DST: variants seen among roughly 807,000 people sequenced by gnomAD.
DST encodes bullous pemphigoid antigen.
In DST, 253 loss-of-function variants were observed where a neutral mutation model predicts 875.2. The ratio of observed to expected loss-of-function variants is 0.29; its 90% confidence interval spans 0.26 to 0.32. The LOEUF is 0.32. Among genes scored for constraint, DST ranks in the 10% least tolerant of loss-of-function variants. DST has a pLI of 1.00. For missense variants in DST, 8,287 were observed against 9,111.6 expected (o/e 0.91, Z 3.68); for synonymous variants, 3,124 against 3,197.1 (o/e 0.98, Z 0.77).
In DST at chr6:56,732,736, A is replaced by G. The variant is rs193230768; in HGVS notation, c.687+2492T>C. Among the ~76,000 whole-genome samples the G allele has an allele frequency of 9.2e-5, 14 of 152,350 alleles. 2 individuals are homozygous for G. The highest frequency in any genetic ancestry group is 3.4e-4 in the African/African-American group (14 of 41,586). ...CATAAATCACAACTTCCTAAGTCAC[A>G]AAAATTAGCAAATAGTTGAAACAAT... On this transcript the variant is annotated intron_variant, in intron 5 of 103. Transcript: ENST00000680361.
chr6:56,777,500 A>G (rs2099681472), intron 4 of DST, among the ~76,000 whole-genome samples: 1 of 152,078 alleles, frequency 6.6e-6, no homozygotes, highest in Non-Finnish European at 1.5e-5. Context: ...TTACAGCATG[A>G]TGGAACAGGC....
chr6:56,561,640 G>T lies in DST; in HGVS notation c.14069-91C>A, dbSNP rs897308766. The stretch of plus-strand genomic sequence containing the variant: ...AAAAGTTTGTTTTACATGGTATTTT[G>T]TCACTTCTAGCTTGTCATTATTAAG... On this transcript the variant is annotated intron_variant, in intron 56 of 103. Coordinates refer to ENST00000680361, the MANE Select transcript of DST (RefSeq NM_001374736.1). 7 of 1,281,408 alleles carry T rather than the reference G, an allele frequency of 5.5e-6. No individual in the cohort carries two copies. The African/African-American group carries it at 6.0e-5, about 11-fold the overall frequency. 79.4% of individuals were successfully genotyped at this position (1,281,408 alleles called of 1,614,324 possible).
intron 4 of DST, among the ~76,000 whole-genome samples, chr6:56,838,066 G>A (rs1180019373): frequency 2.0e-5 from 3 of 152,080 alleles, no homozygotes; most frequent in African/African-American, 7.2e-5. Flanking sequence ...AATGGACACA[G>A]AAGTCTTTCC....
Position 56,517,319 on chromosome 6 carries a change from A to G in DST, c.18250-14T>C. 6.2e-7 allele frequency: 1 copy of G among 1,603,078 alleles called. No individual in the cohort carries two copies. ...CATGGTGAATGTCTGTGATTTACCA[A>G]AATAAAGACAAAAAATAAAACAAGA... On this transcript the variant is annotated splice_polypyrimidine_tract_variant and intron_variant, in intron 70 of 103. Coordinates refer to ENST00000680361, the MANE Select transcript of DST (RefSeq NM_001374736.1).
At chr6:56,652,765 C>T (rs1317602367) in intron 10 of DST, among the ~76,000 whole-genome samples, 11 of 152,118 alleles carry the variant, frequency 7.2e-5, no homozygotes, top group Admixed American at 5.2e-4. Context: ...ATTAGGAAAT[C>T]CTTTAATGTT....
intron 4 of DST, among the ~76,000 whole-genome samples, chr6:56,849,104 A>AT (rs1315953855): frequency 7.7e-6 from 1 of 129,344 alleles, no homozygotes; most frequent in African/African-American, 2.9e-5. Flanking sequence ...GTTTCATTTT[A>AT]TTTTTTTCTG....
At chr6:56,724,795 A>G (rs780740266) in intron 5 of DST, among the ~76,000 whole-genome samples, 11 of 152,204 alleles carry the variant, frequency 7.2e-5, no homozygotes, top group Non-Finnish European at 1.6e-4. Context: ...AAACCACTAC[A>G]GTTGCATATT....
intron 57 of DST, 94 bp from the exon 58 acceptor site, chr6:56,560,517 G>A: frequency 4.5e-6 from 6 of 1,342,632 alleles, no homozygotes; most frequent in Admixed American, 4.9e-5. Context: ...ATAATGAAAA[G>A]AGGAAAAAAT....
At chr6:56,603,499 G>A (rs79263032) in intron 41 of DST, 65 bp downstream of exon 41, 16,256 of 1,587,414 alleles carry the variant, frequency 0.01, 125 homozygotes, top group Non-Finnish European at 0.012. Flanking sequence ...GAAGTGTTCT[G>A]CTTCTTTTTC....
Position 56,704,291 on chromosome 6 carries a change from C to G in DST, c.766G>C (p.Gly256Arg), listed in dbSNP as rs368581407. The G allele has an allele frequency of 2.9e-5, 45 of 1,527,110 alleles. No individual in the cohort carries two copies. Among genetic ancestry groups the G allele is most frequent in the Non-Finnish European group, 4.0e-5 (45 of 1,122,268 alleles). 94.6% of individuals were successfully genotyped at this position (1,527,110 alleles called of 1,614,324 possible). Residue 256 changes from glycine (G) to arginine (R), a missense_variant, in exon 6 of 104, where the codon GGA becomes CGA. This residue lies in a region of DST where 1,160 missense variants were observed against 1,424.3 expected (regional missense o/e 0.81). Coordinates refer to ENST00000680361, the MANE Select transcript of DST (RefSeq NM_001374736.1). ...AAGTTAAAACTTACCAAGGTATCTC[C>G]TGAAAGAACCTCTAAAAGAGAAATC... ...NLISLLEVLS[G>R]DTLPRERDFL...
At chr6:56,571,553 A>G (rs1464347438) in intron 53 of DST, among the ~76,000 whole-genome samples, 1 of 152,214 alleles carries the variant, frequency 6.6e-6, no homozygotes, top group African/African-American at 2.4e-5. Flanking sequence ...TCAGAAACAC[A>G]AAAGCTCAAT....
intron 9 of DST, among the ~76,000 whole-genome samples, chr6:56,687,142 C>G (rs532164920): frequency 7.9e-5 from 12 of 152,326 alleles, no homozygotes; most frequent in Admixed American, 3.3e-4. Context: ...AAATGTTCTT[C>G]TGTGCAGAAC....
At chr6:56,644,725 G>A (rs970554767) in intron 15 of DST, among the ~76,000 whole-genome samples, 1 of 152,238 alleles carries the variant, frequency 6.6e-6, no homozygotes, top group African/African-American at 2.4e-5. Flanking sequence ...GCTGAGATCT[G>A]AGAATGTTTA....
At chr6:56,652,456 C>T (rs1490731696) in intron 10 of DST, among the ~76,000 whole-genome samples, 1 of 152,206 alleles carries the variant, frequency 6.6e-6, no homozygotes, top group African/African-American at 2.4e-5. Context: ...ACAAGCTCCA[C>T]AAGCATTCCT....
At chr6:56,797,970 T>C (rs1010553613) in intron 4 of DST, among the ~76,000 whole-genome samples, 1 of 152,154 alleles carries the variant, frequency 6.6e-6, no homozygotes, top group African/African-American at 2.4e-5. Context: ...TTCAATTCTA[T>C]GAAGGCTGAG....
chr6:56,663,695 T>C (rs2099056763), intron 10 of DST, among the ~76,000 whole-genome samples: 1 of 152,232 alleles, frequency 6.6e-6, no homozygotes. Context: ...ACCTTCACAA[T>C]TACAGCATCT....
At chr6:56,639,164 T>TGG in intron 22 of DST, 95 bp downstream of exon 22, 1 of 1,068,658 alleles carries the variant, frequency 9.4e-7, no homozygotes, top group Non-Finnish European at 1.4e-6. Context: ...AAAAGTTAGA[T>TGG]GGCTTGTAAT....
At chr6:56,563,886 G>A (rs1406622414) in intron 55 of DST, among the ~76,000 whole-genome samples, 6 of 152,086 alleles carry the variant, frequency 3.9e-5, no homozygotes, top group Admixed American at 6.6e-5. Context: ...AGATAGTTGC[G>A]GATGTGTGGT....
At chr6:56,647,313 A>G (rs1217857588) in intron 13 of DST, among the ~76,000 whole-genome samples, 2 of 152,084 alleles carry the variant, frequency 1.3e-5, no homozygotes, top group Non-Finnish European at 2.9e-5. Flanking sequence ...TTACATGTCC[A>G]TGTAGGGAAA....
Sources: allele counts gnomAD v4.1 joint callset (sites outside exome capture counted in the v4.1 genomes callset), GRCh38; gene constraint gnomAD v4.1.1; regional missense constraint gnomAD v4.1.1; transcripts MANE v1.5; gene names NCBI Gene and HGNC (gene_info 2026-07-23, HGNC 2026-07-21).